SLC12A8: variants seen among roughly 807,000 people sequenced by gnomAD.
SLC12A8 encodes cation-chloride cotransporter 9.
SLC12A8 carries 69 observed loss-of-function variants against 75.6 expected under a neutral mutation model. The observed-to-expected ratio is 0.91, with a 90% CI of 0.75 to 1.11. SLC12A8 has a LOEUF of 1.11. Ranked by LOEUF, SLC12A8 falls within the 50% of genes most tolerant of loss-of-function variation. SLC12A8 has a pLI of 0.00. For synonymous variants in SLC12A8, 365 were observed against 372.8 expected, an observed-to-expected ratio of 0.98 and a Z score of 0.24; for missense variants, 877 against 896.7, an observed-to-expected ratio of 0.98 and a Z score of 0.28.
intron 13 of SLC12A8, among the ~76,000 whole-genome samples, chr3:125,084,749 A>G (rs1439601284): frequency 6.6e-6 from 1 of 151,166 alleles, no homozygotes; most frequent in Non-Finnish European, 1.5e-5. Flanking sequence ...ACCCAGTCAC[A>G]GCTCCATCCC....
chr3:125,151,502 G>A (rs1339029684), intron 5 of SLC12A8: 2 of 154,194 alleles, frequency 1.3e-5, no homozygotes, highest in Admixed American at 6.5e-5. Context: ...GGATTGGTTT[G>A]GGCTCATCAT....
At chr3:125,164,560 G>A (rs919401438) in intron 5 of SLC12A8, among the ~76,000 whole-genome samples, 4 of 152,198 alleles carry the variant, frequency 2.6e-5, no homozygotes, top group African/African-American at 7.2e-5. Context: ...CAGTCCTTAC[G>A]TCAGGGGCTA....
At chr3:125,129,250 G>A (rs961041606) in intron 6 of SLC12A8, among the ~76,000 whole-genome samples, 5 of 152,186 alleles carry the variant, frequency 3.3e-5, no homozygotes, top group Admixed American at 1.3e-4. Flanking sequence ...TCTGTGAATC[G>A]TGTTCCTGGA....
At chr3:125,137,919 TCACGCTCA>T (rs1465868623) in intron 5 of SLC12A8, among the ~76,000 whole-genome samples, 1 of 149,982 alleles carries the variant, frequency 6.7e-6, no homozygotes, top group Non-Finnish European at 1.5e-5. Context: ...TGACACACGC[TCACGCTCA>T]CACGCTCACG....
Sources: allele counts gnomAD v4.1 joint callset (sites outside exome capture counted in the v4.1 genomes callset), GRCh38; gene constraint gnomAD v4.1.1; transcripts MANE v1.5; gene names NCBI Gene and HGNC (gene_info 2026-07-23, HGNC 2026-07-21).